FUT8: variants seen among roughly 807,000 people sequenced by gnomAD.
The protein encoded by FUT8 is alpha-(1,6)-fucosyltransferase.
FUT8 carries 29 observed loss-of-function variants against 71.3 expected under a neutral mutation model. The ratio of observed to expected loss-of-function variants is 0.41; its 90% CI spans 0.30 to 0.55. The LOEUF (loss-of-function observed/expected upper bound fraction) is 0.55. FUT8 is among the 20% of genes least tolerant of loss of function. The pLI is 0.34. For missense variants in FUT8, 544 were observed against 702.1 expected, an observed-to-expected ratio of 0.77 and a Z score of 2.55; for synonymous variants, 254 against 239.3, an observed-to-expected ratio of 1.06 and a Z score of -0.57.
chr14:65,736,818 C>T (rs766943195), intron 10 of FUT8, among the ~76,000 whole-genome samples: 2 of 152,080 alleles, frequency 1.3e-5, no homozygotes, highest in Non-Finnish European at 2.9e-5. Context: ...ATGATAATTT[C>T]ATGTGCCAAG....
chr14:65,431,754 T>C (rs2065480403), intron 1 of FUT8, among the ~76,000 whole-genome samples: 1 of 151,938 alleles, frequency 6.6e-6, no homozygotes, highest in Non-Finnish European at 1.5e-5. Context: ...AAGTTCTGTC[T>C]CCCATTTGGT....
At chr14:65,623,863 C>G (rs1431727352) in intron 5 of FUT8, among the ~76,000 whole-genome samples, 1 of 152,166 alleles carries the variant, frequency 6.6e-6, no homozygotes, top group Non-Finnish European at 1.5e-5. Context: ...CATACTAGGT[C>G]TTTAGTATGC....
chr14:65,742,443 A>C lies in FUT8; in HGVS notation c.*33A>C. The C allele has an allele frequency of 6.3e-7, 1 of 1,580,800 alleles. No homozygotes were observed. Among genetic ancestry groups the C allele is most frequent in the Non-Finnish European group, 8.6e-7 (1 of 1,159,300 alleles). On this transcript the variant is annotated 3_prime_UTR_variant, in exon 11 of 11. Transcript: ENST00000673929. Reference sequence around the variant, plus strand: ...ATGGAAGAGATAAACGACCAAACTCAGTTCGACCAAACTCAGTTCAAACCA... The same window carrying C: ...ATGGAAGAGATAAACGACCAAACTCCGTTCGACCAAACTCAGTTCAAACCA...
chr14:65,540,303 G>A (rs1336132266), intron 2 of FUT8, among the ~76,000 whole-genome samples: 1 of 152,170 alleles, frequency 6.6e-6, no homozygotes, highest in Non-Finnish European at 1.5e-5. Context: ...TAGAAGAAAA[G>A]ACTATTTCCC....
Position 65,656,782 on chromosome 14 carries a change from C to A in FUT8, c.598-12461C>A, listed in dbSNP as rs143738112. 3.5e-3 allele frequency among the ~76,000 whole-genome samples: 530 copies of A among 152,190 alleles called. 2 individuals carry two copies. Among genetic ancestry groups the A allele is most frequent in the African/African-American group, 0.012 (503 of 41,520 alleles). The stretch of plus-strand genomic sequence containing the variant: ...TTATATACTACAGAGCTATAGTAAC[C>A]AAAACAGCATGGTACCGGCATATAG... On this transcript the variant is annotated intron_variant, in intron 6 of 10. Coordinates refer to ENST00000673929, the MANE Select transcript of FUT8 (RefSeq NM_001371533.1).
At chr14:65,606,195 C>T (rs909255167) in intron 3 of FUT8, among the ~76,000 whole-genome samples, 1 of 151,140 alleles carries the variant, frequency 6.6e-6, no homozygotes, top group Non-Finnish European at 1.5e-5. Flanking sequence ...GCCTCAGCCT[C>T]CCGAGTAGTT....
chr14:65,612,759 T>A (rs1379680528), intron 3 of FUT8, among the ~76,000 whole-genome samples: 1 of 152,230 alleles, frequency 6.6e-6, no homozygotes, highest in Non-Finnish European at 1.5e-5. Context: ...CCTTCTCTGG[T>A]GATCACTGCC....
At chr14:65,651,515 G>T (rs1891406392) in intron 6 of FUT8, among the ~76,000 whole-genome samples, 2 of 152,136 alleles carry the variant, frequency 1.3e-5, no homozygotes, top group African/African-American at 4.8e-5. Flanking sequence ...ATCATATCAA[G>T]AACCAAGAAA....
intron 2 of FUT8, among the ~76,000 whole-genome samples, chr14:65,468,983 A>T (rs2066092922): frequency 6.6e-6 from 1 of 152,102 alleles, no homozygotes; most frequent in Non-Finnish European, 1.5e-5. Flanking sequence ...AAATCGTAGA[A>T]ACAGGGTCTC....
At chr14:65,487,986 T>G (rs938209768) in intron 2 of FUT8, among the ~76,000 whole-genome samples, 1 of 152,126 alleles carries the variant, frequency 6.6e-6, no homozygotes, top group Non-Finnish European at 1.5e-5. Flanking sequence ...TGCCACCACG[T>G]CTGGCTAAAA....
intron 7 of FUT8, among the ~76,000 whole-genome samples, chr14:65,710,495 T>G (rs1894761315): frequency 6.6e-6 from 1 of 152,242 alleles, no homozygotes; most frequent in African/African-American, 2.4e-5. Context: ...AAGCTTTTGT[T>G]CTATGCCAAT....
chr14:65,560,303 C>T (rs1424529658), intron 2 of FUT8, among the ~76,000 whole-genome samples: 1 of 151,956 alleles, frequency 6.6e-6, no homozygotes, highest in Non-Finnish European at 1.5e-5. Flanking sequence ...CATATGATTT[C>T]TCTTCTATAG....
chr14:65,506,569 A>C (rs1209482671), intron 2 of FUT8, among the ~76,000 whole-genome samples: 2 of 152,334 alleles, frequency 1.3e-5, no homozygotes, highest in East Asian at 1.9e-4. Context: ...AGAATTTGTT[A>C]TTTTGAAAAT....
intron 2 of FUT8, among the ~76,000 whole-genome samples, chr14:65,485,063 G>A (rs1272002489): frequency 6.6e-6 from 1 of 151,856 alleles, no homozygotes; most frequent in African/African-American, 2.4e-5. Flanking sequence ...TAGACTAGGC[G>A]TGGTGGCTCA....
In FUT8 at chr14:65,723,603, C is replaced by T. The variant is rs148244350; in HGVS notation, c.1083-544C>T. 1.3e-3 allele frequency among the ~76,000 whole-genome samples: 192 copies of T among 152,268 alleles called. 2 individuals carry two copies. In the East Asian group the frequency reaches 0.026, roughly 21 times the overall value. On this transcript the variant is annotated intron_variant, in intron 8 of 10. Transcript: ENST00000673929. ...CCGTTAAAAGGTTTGCTGGTCTTAA[C>T]GGTGCTGTAAAAGTTTATCCAGGTC...
intron 7 of FUT8, among the ~76,000 whole-genome samples, chr14:65,689,256 G>C (rs1361836355): frequency 6.6e-6 from 1 of 152,184 alleles, no homozygotes; most frequent in Non-Finnish European, 1.5e-5. Flanking sequence ...GTGCCATACA[G>C]TGTTGAGAAT....
chr14:65,738,914 A>C (rs954152210), intron 10 of FUT8, among the ~76,000 whole-genome samples: 1 of 152,116 alleles, frequency 6.6e-6, no homozygotes, highest in African/African-American at 2.4e-5. Context: ...TTCATTCAAC[A>C]GATACTTATT....
chr14:65,708,509 A>C (rs990765812), intron 7 of FUT8, among the ~76,000 whole-genome samples: 1 of 152,030 alleles, frequency 6.6e-6, no homozygotes, highest in Non-Finnish European at 1.5e-5. Context: ...TTGTCTTTTT[A>C]ATATCTTTTG....
chr14:65,412,027 CTCCCCGT>C (rs1208332533), upstream of FUT8: 2 of 456,636 alleles, frequency 4.4e-6, no homozygotes, highest in Non-Finnish European at 8.8e-6. Context: ...CCTCTCCCCT[CTCCCCGT>C]GCTGTTCTCT....
Sources: allele counts gnomAD v4.1 joint callset (sites outside exome capture counted in the v4.1 genomes callset), GRCh38; gene constraint gnomAD v4.1.1; transcripts MANE v1.5; gene names NCBI Gene and HGNC (gene_info 2026-07-23, HGNC 2026-07-21).